The following SDK1 variants were observed in gnomAD, a reference collection of about 807,000 sequenced individuals.
SDK1 encodes protein sidekick-1.
SDK1 carries 157 observed loss-of-function variants against 245.5 expected under a neutral mutation model. The observed-to-expected ratio is 0.64, with a 90% CI of 0.56 to 0.73. The LOEUF (loss-of-function observed/expected upper bound fraction) is 0.73, where lower values mean the gene tolerates loss of function less well. Among genes scored for constraint, SDK1 ranks in the 30% least tolerant of loss-of-function variants. The pLI, the probability that SDK1 is intolerant of heterozygous loss-of-function variation, is 0.00. For synonymous variants in SDK1, 1,647 were observed against 1,278.5 expected (o/e 1.29, Z -6.15); for missense variants, 3,583 against 3,002.3 (o/e 1.19, Z -4.52).
chr7:3,400,854 C>T (rs951858900), intron 1 of SDK1, among the ~76,000 whole-genome samples: 10 of 152,232 alleles, frequency 6.6e-5, no homozygotes, highest in African/African-American at 2.4e-4. Context: ...GAGCTTCAAC[C>T]TCAGTTTTCA....
intron 40 of SDK1, among the ~76,000 whole-genome samples, chr7:4,222,856 G>A (rs1337208160): frequency 6.6e-6 from 1 of 152,128 alleles, no homozygotes; most frequent in Non-Finnish European, 1.5e-5. Flanking sequence ...CTGGCCCTTT[G>A]CTAATGACTT....
At chr7:4,152,946 C>T (rs191879450) in intron 30 of SDK1, among the ~76,000 whole-genome samples, 3 of 152,128 alleles carry the variant, frequency 2.0e-5, no homozygotes, top group Non-Finnish European at 1.5e-5. Flanking sequence ...AGTTGTGAGA[C>T]GGGGTAGCCA....
At chr7:3,830,238 C>T (rs1485158213) in intron 5 of SDK1, among the ~76,000 whole-genome samples, 2 of 152,026 alleles carry the variant, frequency 1.3e-5, no homozygotes, top group African/African-American at 4.8e-5. Context: ...AGCAGACGGA[C>T]GATGAGTATT....
chr7:3,667,589 T>C (rs953143574), intron 4 of SDK1, among the ~76,000 whole-genome samples: 18 of 152,166 alleles, frequency 1.2e-4, no homozygotes, highest in African/African-American at 3.9e-4. Context: ...TCTCCCACAC[T>C]CCATTGTGAT....
At chr7:3,449,211 C>T (rs925439312) in intron 1 of SDK1, among the ~76,000 whole-genome samples, 2 of 152,162 alleles carry the variant, frequency 1.3e-5, no homozygotes, top group African/African-American at 4.8e-5. Context: ...TGCCTCAAAG[C>T]TGCACCTACA....
chr7:3,680,032 T>A (rs978125483), intron 4 of SDK1, among the ~76,000 whole-genome samples: 1 of 152,008 alleles, frequency 6.6e-6, no homozygotes, highest in Non-Finnish European at 1.5e-5. Context: ...CAGAAACCAC[T>A]CAGATGTTCC....
intron 1 of SDK1, among the ~76,000 whole-genome samples, chr7:3,475,355 G>C (rs564345848): frequency 5.9e-5 from 9 of 152,268 alleles, no homozygotes; most frequent in African/African-American, 1.7e-4. Flanking sequence ...TATTCGCACT[G>C]GTTCATAGCA....
At chr7:3,391,314 C>G (rs1170628134) in intron 1 of SDK1, among the ~76,000 whole-genome samples, 1 of 152,174 alleles carries the variant, frequency 6.6e-6, no homozygotes, top group Non-Finnish European at 1.5e-5. Context: ...TCCATCCTAT[C>G]AAGCACACAT....
At chr7:3,632,644 A>G (rs1387572023) in intron 2 of SDK1, among the ~76,000 whole-genome samples, 2 of 152,206 alleles carry the variant, frequency 1.3e-5, no homozygotes, top group African/African-American at 2.4e-5. Flanking sequence ...ACTTTTACAA[A>G]TATTGTGTTC....
intron 42 of SDK1, among the ~76,000 whole-genome samples, chr7:4,240,988 T>C (rs1583157065): frequency 6.6e-6 from 1 of 152,212 alleles, no homozygotes; most frequent in Non-Finnish European, 1.5e-5. Flanking sequence ...CCTTGGTCTT[T>C]CCTGCAGAAT....
At chr7:3,973,216 C>T (rs932610782) in intron 12 of SDK1, among the ~76,000 whole-genome samples, 1 of 152,196 alleles carries the variant, frequency 6.6e-6, no homozygotes, top group Non-Finnish European at 1.5e-5. Context: ...CCGGCGTGAG[C>T]AGTCTATCCA....
intron 35 of SDK1, among the ~76,000 whole-genome samples, chr7:4,190,334 A>G (rs180841210): frequency 3.3e-5 from 5 of 152,196 alleles, no homozygotes; most frequent in South Asian, 4.1e-4. Flanking sequence ...AGGGCTGTCT[A>G]CACGGTCCTG....
At chr7:3,347,876 C>G (rs1018789073) in intron 1 of SDK1, among the ~76,000 whole-genome samples, 3 of 138,914 alleles carry the variant, frequency 2.2e-5, no homozygotes, top group Non-Finnish European at 3.1e-5. Flanking sequence ...GAGCCAGTTA[C>G]AAACACATTA....
intron 1 of SDK1, among the ~76,000 whole-genome samples, chr7:3,600,376 A>C (rs1329552901): frequency 6.6e-6 from 1 of 152,052 alleles, no homozygotes; most frequent in Non-Finnish European, 1.5e-5. Flanking sequence ...ACAAATAATA[A>C]CAATTTTAGT....
chr7:4,139,533 G>GTGTGTA (rs1554358662), intron 28 of SDK1, among the ~76,000 whole-genome samples: 1 of 11,624 alleles, frequency 8.6e-5, no homozygotes, highest in African/African-American at 2.0e-4. Flanking sequence ...GTATGTGTGT[G>GTGTGTA]TGTATATATG....
intron 12 of SDK1, among the ~76,000 whole-genome samples, chr7:3,973,463 A>G (rs1782647118): frequency 6.6e-6 from 1 of 152,232 alleles, no homozygotes. Context: ...GTATTTGAAA[A>G]GAAAAATGTG....
At chr7:3,584,424 G>A (rs1001668372) in intron 1 of SDK1, among the ~76,000 whole-genome samples, 3 of 152,018 alleles carry the variant, frequency 2.0e-5, no homozygotes, top group African/African-American at 4.8e-5. Context: ...CTTTCACTTC[G>A]TTTCTGGACT....
rs191999160 is a variant in SDK1 at position 4,132,488 on chromosome 7, G to A, written c.4228+65G>A. 36 of 1,151,878 alleles carry A rather than the reference G, an allele frequency of 3.1e-5. No homozygotes were observed. In the African/African-American group the frequency reaches 3.6e-4, roughly 12 times the overall value. The allele number at this position is 1,151,878 out of a possible 1,614,324, so 71.4% of individuals were successfully genotyped here. On this transcript the variant is annotated intron_variant, in intron 28 of 44. Transcript: ENST00000404826. ...TGTCATCCCAGCACCTTGGGAGACC[G>A]AGGCAGGTGGTTTGCTTGAGCCCAG...
chr7:3,412,728 A>G (rs1583820325), intron 1 of SDK1, among the ~76,000 whole-genome samples: 1 of 152,168 alleles, frequency 6.6e-6, no homozygotes. Context: ...TGAAAGACTT[A>G]CTTCCAAGCC....
Sources: allele counts gnomAD v4.1 joint callset (sites outside exome capture counted in the v4.1 genomes callset), GRCh38; gene constraint gnomAD v4.1.1; transcripts MANE v1.5; gene names NCBI Gene and HGNC (gene_info 2026-07-23, HGNC 2026-07-21).